Variants in MSRA observed in about 807,000 individuals in gnomAD.
MSRA encodes mitochondrial peptide methionine sulfoxide reductase.
In MSRA, 54 loss-of-function variants were observed where a neutral mutation model predicts 31.3. That is an observed-to-expected ratio of 1.73 (90% CI 1.39 to 2.17). The LOEUF is 2.17. MSRA is among the 30% of genes most tolerant of loss of function. The pLI is 0.00. For missense variants in MSRA, 507 were observed against 300.9 expected, an observed-to-expected ratio of 1.69 and a Z score of -5.07; for synonymous variants, 169 against 116.5, an observed-to-expected ratio of 1.45 and a Z score of -2.90.
intron 3 of MSRA, among the ~76,000 whole-genome samples, chr8:10,265,903 T>C (rs533200734): frequency 1.3e-5 from 2 of 152,338 alleles, no homozygotes; most frequent in East Asian, 3.9e-4. Flanking sequence ...TCCACCTGTT[T>C]TGAGATGCAT....
chr8:10,109,670 G>A (rs1466017928), intron 1 of MSRA, among the ~76,000 whole-genome samples: 3 of 152,018 alleles, frequency 2.0e-5, no homozygotes, highest in African/African-American at 7.2e-5. Flanking sequence ...TTTTAGCATT[G>A]GAATTTAAGT....
chr8:10,240,629 C>A (rs970827379), intron 2 of MSRA, among the ~76,000 whole-genome samples: 1 of 152,178 alleles, frequency 6.6e-6, no homozygotes, highest in Non-Finnish European at 1.5e-5. Context: ...TGGCCTCTGA[C>A]TAGGCAGCCA....
intron 5 of MSRA, among the ~76,000 whole-genome samples, chr8:10,387,594 C>G (rs1806473217): frequency 6.6e-6 from 1 of 152,110 alleles, no homozygotes; most frequent in Non-Finnish European, 1.5e-5. Context: ...CTTCTTAGCG[C>G]TGGTGGATTG....
chr8:10,400,677 G>C (rs1807404497), intron 5 of MSRA, among the ~76,000 whole-genome samples: 2 of 152,140 alleles, frequency 1.3e-5, no homozygotes, highest in Admixed American at 1.3e-4. Flanking sequence ...AAGCATAATG[G>C]GTAGTGTTAG....
At chr8:10,073,995 T>C (rs1797865477) in intron 1 of MSRA, among the ~76,000 whole-genome samples, 2 of 150,656 alleles carry the variant, frequency 1.3e-5, no homozygotes, top group South Asian at 4.2e-4. Context: ...TGTTGCTTTC[T>C]ATACGTGACA....
In MSRA at chr8:10,191,571, G is replaced by T. The variant is rs992472317; in HGVS notation, c.143-16262G>T. ...TTTGATATCTTACACTCTATTCCTA[G>T]ACTTTAGTGGTTCAGAAATGCCTGT... On this transcript the variant is annotated intron_variant, in intron 1 of 5. Transcript: ENST00000317173. 3.9e-5 allele frequency among the ~76,000 whole-genome samples: 6 copies of T among 152,260 alleles called. No homozygotes were observed. The East Asian group carries it at 5.8e-4, about 15-fold the overall frequency.
chr8:10,388,418 T>G (rs979315728), intron 5 of MSRA, among the ~76,000 whole-genome samples: 40 of 152,258 alleles, frequency 2.6e-4, no homozygotes, highest in African/African-American at 9.2e-4. Context: ...AAAGGGTAAC[T>G]TCTCTGTTTT....
chr8:10,077,147 G>C (rs1798032440), intron 1 of MSRA, among the ~76,000 whole-genome samples: 1 of 151,812 alleles, frequency 6.6e-6, no homozygotes. Context: ...AGAGAAATGA[G>C]AACATCAGGA....
At chr8:10,098,917 C>A (rs1799354988) in intron 1 of MSRA, among the ~76,000 whole-genome samples, 1 of 152,178 alleles carries the variant, frequency 6.6e-6, no homozygotes, top group Admixed American at 6.5e-5. Context: ...CAACAGTGGC[C>A]TGTTTATGTG....
intron 5 of MSRA, among the ~76,000 whole-genome samples, chr8:10,405,990 T>C (rs1395761978): frequency 6.6e-6 from 1 of 152,274 alleles, no homozygotes; most frequent in Non-Finnish European, 1.5e-5. Context: ...TGAGACTGGC[T>C]ATTCACCATC....
At position 10,146,211 on chromosome 8, in the gene MSRA, G is replaced by C. The variant is rs1000819113; in HGVS notation, c.143-61622G>C. On this transcript the variant is annotated intron_variant, in intron 1 of 5. Coordinates refer to ENST00000317173, the MANE Select transcript of MSRA (RefSeq NM_012331.5). ...AAAGGAAGAACCCATATTTGCTTTGGGTTTTTTTTCCCCTAGCTATTTGGG... is the reference window on the plus strand; with the variant it reads ...AAAGGAAGAACCCATATTTGCTTTGCGTTTTTTTTCCCCTAGCTATTTGGG... Among the ~76,000 whole-genome samples the C allele has an allele frequency of 2.2e-4, 33 of 152,218 alleles. 1 individual carries two copies. The highest frequency in any genetic ancestry group is 7.9e-4 in the African/African-American group (33 of 41,512).
At chr8:10,065,651 A>C (rs946804956) in intron 1 of MSRA, among the ~76,000 whole-genome samples, 7 of 152,214 alleles carry the variant, frequency 4.6e-5, no homozygotes, top group Non-Finnish European at 1.0e-4. Flanking sequence ...TTGTTCATTA[A>C]CAACCTGGCA....
intron 5 of MSRA, among the ~76,000 whole-genome samples, chr8:10,390,002 A>G (rs138399426): frequency 3.3e-5 from 5 of 151,784 alleles, no homozygotes; most frequent in Admixed American, 6.6e-5. Context: ...TGCAGGTACC[A>G]GGTCAGACTC....
At chr8:10,207,983 G>T in intron 2 of MSRA, 82 bp downstream of exon 2, 1 of 1,125,096 alleles carries the variant, frequency 8.9e-7, no homozygotes. Context: ...AGTGTTCTCA[G>T]GGCTTCAAAA....
intron 4 of MSRA, among the ~76,000 whole-genome samples, chr8:10,317,233 G>T (rs1348086884): frequency 6.6e-6 from 1 of 152,158 alleles, no homozygotes. Context: ...CTGGGACCTC[G>T]TAAAGTGATC....
Position 10,272,655 on chromosome 8 carries a change from C to T in MSRA, c.331+27432C>T, listed in dbSNP as rs569053754. On this transcript the variant is annotated intron_variant, in intron 3 of 5. Coordinates refer to ENST00000317173, the MANE Select transcript of MSRA (RefSeq NM_012331.5). ...CAGTCAAGTTGACACATAAAATTAA[C>T]CCTCACTCTTACTCGCGCTTTAAGA... Among the ~76,000 whole-genome samples, 12 of 152,316 alleles carry T rather than the reference C, an allele frequency of 7.9e-5. No homozygotes were observed. The South Asian group carries it at 2.5e-3, about 32-fold the overall frequency.
At chr8:10,072,305 ATTT>A (rs34457495) in intron 1 of MSRA, among the ~76,000 whole-genome samples, 12 of 145,202 alleles carry the variant, frequency 8.3e-5, no homozygotes, top group South Asian at 2.2e-4. Context: ...CTTTCGCAAC[ATTT>A]TTTTTTTTTT....
Position 10,392,245 on chromosome 8 carries a change from C to G in MSRA, c.544-35903C>G, listed in dbSNP as rs143220998. 1.3e-3 allele frequency among the ~76,000 whole-genome samples: 193 copies of G among 152,334 alleles called. 1 individual carries two copies. The highest frequency in any genetic ancestry group is 2.3e-3 in the Non-Finnish European group (158 of 68,034). Reference sequence around the variant, plus strand: ...CAGTGGATGGACAGCTGTCTCCTCTCTTAAATTTTAAGAACTTAAATGCCA... The same window carrying G: ...CAGTGGATGGACAGCTGTCTCCTCTGTTAAATTTTAAGAACTTAAATGCCA... On this transcript the variant is annotated intron_variant, in intron 5 of 5. Coordinates refer to ENST00000317173, the MANE Select transcript of MSRA (RefSeq NM_012331.5).
At chr8:10,390,811 T>G (rs1430431119) in intron 5 of MSRA, among the ~76,000 whole-genome samples, 1 of 151,818 alleles carries the variant, frequency 6.6e-6, no homozygotes, top group Non-Finnish European at 1.5e-5. Context: ...CTGTCTCTAC[T>G]AAAAATAAAA....
Sources: allele counts gnomAD v4.1 joint callset (sites outside exome capture counted in the v4.1 genomes callset), GRCh38; gene constraint gnomAD v4.1.1; transcripts MANE v1.5; gene names NCBI Gene and HGNC (gene_info 2026-07-23, HGNC 2026-07-21).